Variants in MED12 observed in about 807,000 individuals in gnomAD.
MED12 encodes mediator complex subunit 12.
MED12 carries 10 observed loss-of-function variants against 177.7 expected under a neutral mutation model. The observed-to-expected ratio is 0.06, with a 90% CI of 0.03 to 0.10. The LOEUF is 0.10. MED12 is among the 10% of genes least tolerant of loss of function. The pLI is 1.00. For synonymous variants in MED12, 641 were observed against 678.4 expected, an observed-to-expected ratio of 0.94 and a Z score of 0.86; for missense variants, 867 against 1,780.8, an observed-to-expected ratio of 0.49 and a Z score of 9.23.
In MED12 at chrX:71,136,316, C is replaced by G; in HGVS notation, c.5061C>G (p.Pro1687=). 1 of 1,211,628 alleles carries G rather than the reference C, an allele frequency of 8.3e-7. No homozygotes were observed. Among genetic ancestry groups the G allele is most frequent in the Non-Finnish European group, 1.1e-6 (1 of 895,372 alleles). The change falls in exon 37 of 45, where the codon CCC becomes CCG. Residue 1687 remains proline, a synonymous_variant. Coordinates refer to ENST00000374080, the MANE Select transcript of MED12 (RefSeq NM_005120.3). The stretch of plus-strand genomic sequence containing the variant: ...TTTCCACCAAACAGAAGATCTCGCC[C>G]TGGGATCTTTTTGAGGGGTTGAAGC... ...LQVSTKQKIS[P]WDLFEGLKPS... is the part of the protein sequence containing the mutation.
rs776476529 is a variant in MED12 at position 71,132,902 on chromosome X, G to A, written c.4473G>A (p.Gly1491=). 2.5e-6 allele frequency: 3 copies of A among 1,190,854 alleles called. No individual in the cohort carries two copies. The highest frequency in any genetic ancestry group is 3.7e-5 in the South Asian group (2 of 54,355). Residue 1491 remains glycine (G), a synonymous_variant, in exon 32 of 45, where the codon GGG becomes GGA. Transcript: ENST00000374080. Reference sequence around the variant, plus strand: ...CGCTGGTGCTAACATGTCTGAAAGGGCAGGATGAACAACGCGAGGGACTCC... The same window carrying A: ...CGCTGGTGCTAACATGTCTGAAAGGACAGGATGAACAACGCGAGGGACTCC... The part of the protein sequence containing the change: ...FLSLVLTCLK[G]QDEQREGLLT...
rs1602294577 is a variant in MED12, at chrX:71,120,954, T to A, written c.554-17T>A. 6 of 1,210,005 alleles carry A rather than the reference T, an allele frequency of 5.0e-6. No homozygotes were observed. In the East Asian group the frequency reaches 1.8e-4, roughly 36 times the overall value. On this transcript the variant is annotated splice_polypyrimidine_tract_variant and intron_variant, in intron 4 of 44. Transcript: ENST00000374080. ...GAAGGATAGTATCAAATAGCCCTTT[T>A]TCCCTCTTTCCTCCAGAATGGACTC...
At chrX:71,122,143 G>T (rs2092291025) in intron 7 of MED12, 57 bp from the exon 8 acceptor site, 2 of 1,195,349 alleles carry the variant, frequency 1.7e-6, no homozygotes, top group Middle Eastern at 2.3e-4. Flanking sequence ...CTTAGAATGG[G>T]ATTCCAGAGG....
chrX:71,121,283 C>CTTCACTTTATCTGT, intron 5 of MED12, 44 bp from the exon 6 acceptor site: 1 of 1,192,291 alleles, frequency 8.4e-7, no homozygotes, highest in Non-Finnish European at 1.1e-6. Flanking sequence ...ACTTTATCTG[C>CTTCACTTTATCTGT]TTCATCTCTA....
intron 12 of MED12, 81 bp downstream of exon 12, chrX:71,123,801 C>T: frequency 9.9e-7 from 1 of 1,014,448 alleles, no homozygotes; most frequent in Non-Finnish European, 1.4e-6. Flanking sequence ...TAATTAACAG[C>T]CCTCTGGTCT....
chrX:71,141,821 GAAA>G, intron 43 of MED12, 59 bp from the exon 44 acceptor site: 1 of 1,070,942 alleles, frequency 9.3e-7, no homozygotes, highest in Non-Finnish European at 1.3e-6. Flanking sequence ...AACGGATTGG[GAAA>G]GGAGGTTGAA....
Position 71,122,625 on chromosome X carries a change from G to A in MED12, c.1348+18G>A, listed in dbSNP as rs776024292. 3.7e-5 allele frequency: 44 copies of A among 1,199,863 alleles called. No homozygotes were observed. Among genetic ancestry groups the A allele is most frequent in the Non-Finnish European group, 4.6e-5 (41 of 885,843 alleles). ...TACTGCAGGTATGTGTCAGAGAACA[G>A]ATAATAGGAAATATGTTTGAGGAAA... On this transcript the variant is annotated intron_variant, in intron 9 of 44. Coordinates refer to ENST00000374080, the MANE Select transcript of MED12 (RefSeq NM_005120.3).
Position 71,126,592 on chromosome X carries a change from T to C in MED12, c.2685+108T>C. On this transcript the variant is annotated intron_variant, in intron 19 of 44. Coordinates refer to ENST00000374080, the MANE Select transcript of MED12 (RefSeq NM_005120.3). Reference sequence around the variant, plus strand: ...GGCTCCAGCCAGTTTCCCAAGCTATTTGAAGGGGCAGAAAGACTAGCATGG... The same window carrying C: ...GGCTCCAGCCAGTTTCCCAAGCTATCTGAAGGGGCAGAAAGACTAGCATGG... 5 of 961,638 alleles carry C rather than the reference T, an allele frequency of 5.2e-6. No homozygotes were observed. In the South Asian group the frequency reaches 8.0e-5, roughly 15 times the overall value. The allele number at this position is 961,638 out of a possible 1,213,427, so 79.2% of individuals were successfully genotyped here. A position where few individuals can be genotyped will look rare whatever the true frequency, so the allele number is the denominator to read the frequency against.
chrX:71,125,089 G>A lies in MED12; in HGVS notation c.2169G>A (p.Gly723=), dbSNP rs1060504497. The A allele has an allele frequency of 2.5e-6, 3 of 1,210,881 alleles. No individual in the cohort carries two copies. Among genetic ancestry groups the A allele is most frequent in the Non-Finnish European group, 3.4e-6 (3 of 895,250 alleles). Residue 723 remains glycine, a synonymous_variant, in exon 15 of 45, where the codon GGG becomes GGA. Coordinates refer to ENST00000374080, the MANE Select transcript of MED12 (RefSeq NM_005120.3). ...PPKEKIEGTL[G]VLYDQPRHVQ... is the part of the protein sequence containing the mutation. ...AGGAGAAGATTGAAGGGACCCTTGG[G>A]GTTCTTTACGACCAGCCACGACACG...
chrX:71,140,561 G>A lies in MED12; in HGVS notation c.6045-74G>A. On this transcript the variant is annotated intron_variant, in intron 41 of 44. Transcript: ENST00000374080. Reference sequence around the variant, plus strand: ...CCTGCTAACGTTTCTTTCAGGTCAGGGACCCAAGGTTTATACTGACCCCCT... The same window carrying A: ...CCTGCTAACGTTTCTTTCAGGTCAGAGACCCAAGGTTTATACTGACCCCCT... 18 of 1,209,661 alleles carry A rather than the reference G, an allele frequency of 1.5e-5. No homozygotes were observed. In the South Asian group the frequency reaches 1.9e-4, roughly 13 times the overall value.
rs762226785 is a variant in MED12, at chrX:71,127,529, C to G, written c.2981+62C>G. 5.3e-5 allele frequency: 56 copies of G among 1,062,511 alleles called. No homozygotes were observed. The African/African-American group carries it at 9.4e-4, about 18-fold the overall frequency. 87.6% of individuals were successfully genotyped at this position (1,062,511 alleles called of 1,213,427 possible). ...CCTACTCCCTTCTTCCCATGACCAC[C>G]CAACTCAGGAGGAGAGGATGGCCCG... On this transcript the variant is annotated intron_variant, in intron 21 of 44. Coordinates refer to ENST00000374080, the MANE Select transcript of MED12 (RefSeq NM_005120.3).
At chrX:71,141,757 A>G in intron 43 of MED12, 126 bp from the exon 44 acceptor site, 1 of 613,806 alleles carries the variant, frequency 1.6e-6, no homozygotes, top group Non-Finnish European at 2.7e-6. Context: ...AGCCAAGATC[A>G]TGCCACTGCA....
intron 9 of MED12, 47 bp from the exon 10 acceptor site, chrX:71,122,691 T>A (rs1385078532): frequency 1.7e-6 from 2 of 1,208,403 alleles, no homozygotes; most frequent in Admixed American, 4.3e-5. Flanking sequence ...AGAGCCAGAA[T>A]GCACCGGGCC....
In MED12 at chrX:71,127,938, G is replaced by T; in HGVS notation, c.3027G>T (p.Glu1009Asp). The change falls in exon 22 of 45, where the codon GAG becomes GAT. Residue 1009 changes from glutamate (E) to aspartate (D), a missense_variant. This residue lies in a region of MED12 where 70 missense variants were observed against 143.6 expected (regional missense o/e 0.49). Coordinates refer to ENST00000374080, the MANE Select transcript of MED12 (RefSeq NM_005120.3). ...AGAACACCATCTACTGCAACGTGGA[G>T]CCATCGGAATCAAATATGCGCTGGG... ...KVKNTIYCNV[E>D]PSESNMRWAP... The T allele has an allele frequency of 4.1e-6, 5 of 1,211,561 alleles. No homozygotes were observed. The highest frequency in any genetic ancestry group is 5.6e-6 in the Non-Finnish European group (5 of 895,392).
Position 71,136,906 on chromosome X carries a change from G to A in MED12, c.5428G>A (p.Gly1810Ser), listed in dbSNP as rs1375861902. Reference protein sequence around the residue: ...EDYGMGPGRSGPYGVTVPPDL... With the variant: ...EDYGMGPGRSSPYGVTVPPDL... The stretch of plus-strand genomic sequence containing the variant: ...CTATGGAATGGGCCCGGGTCGGAGC[G>A]GCCCTTATGGTGTGACAGTGCCTCC... Residue 1810 changes from glycine to serine, a missense_variant, in exon 38 of 45, where the codon GGC (glycine) becomes AGC (serine). Physicochemically the swap from Gly to Ser is moderately conservative, Grantham distance 56. Coordinates refer to ENST00000374080, the MANE Select transcript of MED12 (RefSeq NM_005120.3). 4 of 1,210,734 alleles carry A rather than the reference G, an allele frequency of 3.3e-6. No homozygotes were observed. Among genetic ancestry groups the A allele is most frequent in the East Asian group, 3.0e-5 (1 of 33,808 alleles).
intron 19 of MED12, 132 bp downstream of exon 19, chrX:71,126,616 G>T: frequency 1.2e-6 from 1 of 819,916 alleles, no homozygotes; most frequent in Non-Finnish European, 1.8e-6. Flanking sequence ...AGACTAGCAT[G>T]GGGGGAGTGG....
At chrX:71,126,520 G>A (rs1044415741) in intron 19 of MED12, 36 bp downstream of exon 19, 1 of 1,206,038 alleles carries the variant, frequency 8.3e-7, no homozygotes, top group Non-Finnish European at 1.1e-6. Context: ...GGAGGCAGGA[G>A]TTCATGCCAT....
rs781136650 is a variant in MED12 at position 71,124,933 on chromosome X, A to G, written c.2056-43A>G. The G allele has an allele frequency of 3.3e-6, 4 of 1,200,314 alleles. No homozygotes were observed. The East Asian group carries it at 1.2e-4, about 36-fold the overall frequency. ...GGCATGTTTTTTTGCCCCCTCATCCACTTTCCTTCTTCTCATGTTCTGCTT... is the reference window on the plus strand; with the variant it reads ...GGCATGTTTTTTTGCCCCCTCATCCGCTTTCCTTCTTCTCATGTTCTGCTT... On this transcript the variant is annotated intron_variant, in intron 14 of 44. Coordinates refer to ENST00000374080, the MANE Select transcript of MED12 (RefSeq NM_005120.3).
In MED12 at chrX:71,124,406, T is replaced by TG. The variant is rs768688779; in HGVS notation, c.1974+19dup. On this transcript the variant is annotated intron_variant, in intron 13 of 44. Transcript: ENST00000374080. Reference sequence around the variant, plus strand: ...AGCTGGAAGTGAGTGGGCTTTTCCTTGCACTAGATCGTTTCTTCTGACATT... The same window carrying TG: ...AGCTGGAAGTGAGTGGGCTTTTCCTTGGCACTAGATCGTTTCTTCTGACATT... 1 of 1,126,481 alleles carries TG rather than the reference T, an allele frequency of 8.9e-7. No individual in the cohort carries two copies. Among genetic ancestry groups the TG allele is most frequent in the Admixed American group, 2.4e-5 (1 of 41,874 alleles). The allele number at this position is 1,126,481 out of a possible 1,213,427, so 92.8% of individuals were successfully genotyped here.
Sources: allele counts gnomAD v4.1 joint callset, GRCh38; gene constraint gnomAD v4.1.1; regional missense constraint gnomAD v4.1.1; transcripts MANE v1.5; gene names NCBI Gene and HGNC (gene_info 2026-07-23, HGNC 2026-07-21).